The following PSKH1 variants were observed in gnomAD, a reference collection of about 807,000 sequenced individuals.
PSKH1 encodes protein serine kinase H1, also known as serine/threonine-protein kinase H1.
PSKH1 carries 12 observed loss-of-function variants against 26.7 expected under a neutral mutation model. The ratio of observed to expected loss-of-function variants is 0.45; its 90% CI spans 0.29 to 0.73. The LOEUF is 0.73. Among genes scored for constraint, PSKH1 ranks in the 30% least tolerant of loss-of-function variants. PSKH1 has a pLI of 0.11. For missense variants in PSKH1, 431 were observed against 595.2 expected (o/e 0.72, Z 2.87); for synonymous variants, 213 against 234.3 (o/e 0.91, Z 0.83).
intron 1 of PSKH1, among the ~76,000 whole-genome samples, chr16:67,902,332 G>C (rs1234431451): frequency 6.6e-6 from 1 of 151,616 alleles, no homozygotes; most frequent in Non-Finnish European, 1.5e-5. Flanking sequence ...AGACAGTCTC[G>C]ATCTCTCACC....
Position 67,927,914 on chromosome 16 carries a change from C to A in PSKH1, c.*272C>A, listed in dbSNP as rs749620017. ...TGATACCCCTCTTGGTGGGCAGCTG[C>A]TCTGGTGGAGTTGGGAAGGGATAGG... is the stretch of plus-strand genomic sequence containing the variant. On this transcript the variant is annotated 3_prime_UTR_variant, in exon 3 of 3. Transcript: ENST00000291041. The surrounding 1 kb of genome is among the most constrained non-coding windows in gnomAD (Gnocchi z 5.5). 6.3e-5 allele frequency: 33 copies of A among 523,454 alleles called. No individual in the cohort carries two copies. The highest frequency in any genetic ancestry group is 1.3e-4 in the Admixed American group (4 of 29,718). 32.4% of individuals were successfully genotyped at this position (523,454 alleles called of 1,614,324 possible).
Position 67,927,517 on chromosome 16 carries a change from C to G in PSKH1, c.1150C>G (p.Gln384Glu). ...NLLKRASSRC[Q>E]STKSAQSTRS... ...CCTTAAACGTGCCTCCTCGCGCTGCCAGAGCACCAAATCTGCCCAGTCCAC... is the reference window on the plus strand; with the variant it reads ...CCTTAAACGTGCCTCCTCGCGCTGCGAGAGCACCAAATCTGCCCAGTCCAC... The change falls in exon 3 of 3, where the codon CAG (glutamine) becomes GAG (glutamate). Residue 384 changes from glutamine to glutamate, a missense_variant. By Grantham distance (29) the Gln-to-Glu change is conservative (BLOSUM62 2). Transcript: ENST00000291041. This position sits in a 1 kb window ranked among gnomAD's most constrained non-coding sequence, Gnocchi z 5.5. 6.2e-7 allele frequency: 1 copy of G among 1,614,162 alleles called. No homozygotes were observed.
chr16:67,904,876 G>T (rs1806812307), intron 1 of PSKH1, among the ~76,000 whole-genome samples: 1 of 143,610 alleles, frequency 7.0e-6, no homozygotes, highest in Non-Finnish European at 1.5e-5. Flanking sequence ...GCCCAGGCTA[G>T]AGTGCAGTGG....
Position 67,927,206 on chromosome 16 carries a change from C to A in PSKH1, c.958-119C>A. ...TTGGGCGGGGAGGCCCCAAGTGCTA[C>A]ATGAGAGGAGGGGCAGCACCTCTCT... is the stretch of plus-strand genomic sequence containing the variant. On this transcript the variant is annotated intron_variant, in intron 2 of 2. Coordinates refer to ENST00000291041, the MANE Select transcript of PSKH1 (RefSeq NM_006742.3). This position sits in a 1 kb window ranked among gnomAD's most constrained non-coding sequence, Gnocchi z 5.5. 2 of 1,049,482 alleles carry A rather than the reference C, an allele frequency of 1.9e-6. No individual in the cohort carries two copies. Among genetic ancestry groups the A allele is most frequent in the Non-Finnish European group, 2.8e-6 (2 of 719,598 alleles). The allele number at this position is 1,049,482 out of a possible 1,614,324, so 65.0% of individuals were successfully genotyped here.
chr16:67,923,223 G>C (rs1445606079), intron 2 of PSKH1, among the ~76,000 whole-genome samples: 1 of 152,128 alleles, frequency 6.6e-6, no homozygotes, highest in Non-Finnish European at 1.5e-5. Context: ...CACGGAAGAG[G>C]TCGCTTCCCA....
At position 67,929,436 on chromosome 16, in the gene PSKH1, G is replaced by A. The variant is rs1046293770; in HGVS notation, c.*1794G>A. On this transcript the variant is annotated 3_prime_UTR_variant, in exon 3 of 3. Transcript: ENST00000291041. ...TCAGAATTTCCCCCCAGTTCCCCAA[G>A]TGTCTCTGGGGACCTGAAGCCCTGG... The A allele has an allele frequency of 6.3e-6, 1 of 158,478 alleles. No individual in the cohort carries two copies. The highest frequency in any genetic ancestry group is 1.4e-5 in the Non-Finnish European group (1 of 71,310). The allele number at this position is 158,478 out of a possible 1,614,324, so 9.8% of individuals were successfully genotyped here.
intron 2 of PSKH1, among the ~76,000 whole-genome samples, chr16:67,919,322 A>G (rs1253758435): frequency 6.6e-6 from 1 of 152,210 alleles, no homozygotes; most frequent in Non-Finnish European, 1.5e-5. Flanking sequence ...CTGCTCCCAG[A>G]GTCAGAGGAT....
chr16:67,916,274 C>T (rs899927738), intron 2 of PSKH1, among the ~76,000 whole-genome samples: 20 of 152,178 alleles, frequency 1.3e-4, no homozygotes, highest in African/African-American at 3.4e-4. Context: ...GCGAGTGTCT[C>T]GTGGTGCTTG....
chr16:67,914,912 T>C (rs1165601199), intron 2 of PSKH1, among the ~76,000 whole-genome samples: 1 of 152,156 alleles, frequency 6.6e-6, no homozygotes, highest in Non-Finnish European at 1.5e-5. Context: ...CAAGATACGC[T>C]GACAGAGGAA....
rs562951161 is a variant in PSKH1 at position 67,913,296 on chromosome 16, G to A, written c.957+3590G>A. Among the ~76,000 whole-genome samples the A allele has an allele frequency of 2.5e-3, 386 of 152,020 alleles. 3 individuals carry two copies. Among genetic ancestry groups the A allele is most frequent in the Non-Finnish European group, 2.9e-3 (197 of 67,940 alleles). On this transcript the variant is annotated intron_variant, in intron 2 of 2. Transcript: ENST00000291041. ...CGAGTAGCTGGGACTACAGGCATGC[G>A]CCACCACGCACGGCTAATGTTTTGT...
At position 67,927,292 on chromosome 16, in the gene PSKH1, G is replaced by A. The variant is rs2058219912; in HGVS notation, c.958-33G>A. 2 of 1,565,620 alleles carry A rather than the reference G, an allele frequency of 1.3e-6. No individual in the cohort carries two copies. The highest frequency in any genetic ancestry group is 8.7e-7 in the Non-Finnish European group (1 of 1,150,224). ...CCAGATGGGGTGGGCAGTGTCAGAT[G>A]CTCTCACTCTAATGCTTGTCCTTGG... On this transcript the variant is annotated intron_variant, in intron 2 of 2. Coordinates refer to ENST00000291041, the MANE Select transcript of PSKH1 (RefSeq NM_006742.3). This position sits in a 1 kb window ranked among gnomAD's most constrained non-coding sequence, Gnocchi z 5.5.
intron 2 of PSKH1, among the ~76,000 whole-genome samples, chr16:67,913,305 C>T (rs2058178316): frequency 1.3e-5 from 2 of 152,002 alleles, no homozygotes; most frequent in Non-Finnish European, 2.9e-5. Context: ...CGCCACCACG[C>T]ACGGCTAATG....
Position 67,918,686 on chromosome 16 carries a change from G to A in PSKH1, c.958-8639G>A, listed in dbSNP as rs184623699. Among the ~76,000 whole-genome samples, 10 of 151,594 alleles carry A rather than the reference G, an allele frequency of 6.6e-5. No homozygotes were observed. The East Asian group carries it at 1.7e-3, about 26-fold the overall frequency. ...GGCTCACCAAAGCCTCCACCTTTTGGGTTCAAGCAATTCTCCTGCCTCAGC... is the reference window on the plus strand; with the variant it reads ...GGCTCACCAAAGCCTCCACCTTTTGAGTTCAAGCAATTCTCCTGCCTCAGC... On this transcript the variant is annotated intron_variant, in intron 2 of 2. Coordinates refer to ENST00000291041, the MANE Select transcript of PSKH1 (RefSeq NM_006742.3).
At chr16:67,910,255 G>C (rs957132626) in intron 2 of PSKH1, among the ~76,000 whole-genome samples, 2 of 152,198 alleles carry the variant, frequency 1.3e-5, no homozygotes, top group Non-Finnish European at 1.5e-5. Flanking sequence ...GGCACTGGCG[G>C]TGGGAAGCTG....
chr16:67,923,462 G>T (rs965416801), intron 2 of PSKH1, among the ~76,000 whole-genome samples: 2 of 152,176 alleles, frequency 1.3e-5, no homozygotes, highest in East Asian at 3.9e-4. Context: ...GGGATTAGAG[G>T]TGTGAGCCAC....
intron 2 of PSKH1, among the ~76,000 whole-genome samples, chr16:67,911,790 G>C (rs2058174085): frequency 6.6e-6 from 1 of 152,334 alleles, no homozygotes; most frequent in African/African-American, 2.4e-5. Context: ...ATGTGGCTAT[G>C]GGGTCCATCG....
chr16:67,906,431 A>G (rs1427006897), intron 1 of PSKH1, among the ~76,000 whole-genome samples: 2 of 148,902 alleles, frequency 1.3e-5, no homozygotes, highest in East Asian at 4.0e-4. Flanking sequence ...CAGTGGCACA[A>G]TCTTGGCTCA....
At chr16:67,922,316 T>C (rs2151314837) in intron 2 of PSKH1, among the ~76,000 whole-genome samples, 1 of 152,330 alleles carries the variant, frequency 6.6e-6, no homozygotes, top group South Asian at 2.1e-4. Flanking sequence ...TGTGCCCTTT[T>C]CTCTGCTCTC....
intron 2 of PSKH1, among the ~76,000 whole-genome samples, chr16:67,925,573 C>T (rs2058213803): frequency 6.6e-6 from 1 of 152,108 alleles, no homozygotes; most frequent in Admixed American, 6.5e-5. Flanking sequence ...TGCGCCCACC[C>T]ACAGCCCTTG....
Sources: allele counts gnomAD v4.1 joint callset (sites outside exome capture counted in the v4.1 genomes callset), GRCh38; gene constraint gnomAD v4.1.1; non-coding constraint Gnocchi (gnomAD v3.1); transcripts MANE v1.5; gene names NCBI Gene and HGNC (gene_info 2026-07-23, HGNC 2026-07-21).